The following CEP95 variants were observed in gnomAD, a reference collection of about 807,000 sequenced individuals.
The protein encoded by CEP95 is centrosomal protein 95.
Under a neutral mutation model 111.2 loss-of-function variants are expected in CEP95, and 98 were observed. The ratio of observed to expected loss-of-function variants is 0.88; its 90% CI spans 0.75 to 1.04. The LOEUF is 1.04. CEP95 is among the 50% of genes least tolerant of loss of function. The pLI, the probability that CEP95 is intolerant of heterozygous loss-of-function variation, is 0.00. For synonymous variants in CEP95, 323 were observed against 327.1 expected (o/e 0.99, Z 0.14); for missense variants, 1,027 against 977.2 (o/e 1.05, Z -0.68).
At chr17:64,514,217 AT>A (rs1156427578) in intron 3 of CEP95, 30 bp from the exon 4 acceptor site, 9 of 868,472 alleles carry the variant, frequency 1.0e-5, no homozygotes, top group East Asian at 5.4e-5. Context: ...TCATGGTTAA[AT>A]TTTTTAATAG....
In CEP95 at chr17:64,522,803, C is replaced by A. The variant is rs782269958; in HGVS notation, c.817C>A (p.Arg273=). The A allele has an allele frequency of 4.3e-6, 7 of 1,613,740 alleles. No homozygotes were observed. The highest frequency in any genetic ancestry group is 5.9e-6 in the Non-Finnish European group (7 of 1,179,850). The change falls in exon 8 of 20, where the codon CGA becomes AGA. Residue 273 remains arginine, a synonymous_variant. Transcript: ENST00000556440. ...TCCACCCTACCACCCTTCAGAGCCT[C>A]GAGCACCCTGCCCCATAGGAAAAGA... ...LHPPYHPSEP[R]APCPIGKEYL...
In CEP95 at chr17:64,526,939, G is replaced by A. The variant is rs565804715; in HGVS notation, c.1153-172G>A. 224 of 485,952 alleles carry A rather than the reference G, an allele frequency of 4.6e-4. 1 individual carries two copies. Among genetic ancestry groups the A allele is most frequent in the African/African-American group, 4.2e-3 (213 of 50,582 alleles). 30.1% of individuals were successfully genotyped at this position (485,952 alleles called of 1,614,324 possible). A position where few individuals can be genotyped will look rare whatever the true frequency, so the allele number is the denominator to read the frequency against. ...AGCACCACTGCACTCCAGCCTGGGT[G>A]ACAGAGTGAGATCCTGTCTCAAAAT... On this transcript the variant is annotated intron_variant, in intron 10 of 19. Transcript: ENST00000556440.
chr17:64,532,066 T>C (rs782400072), intron 14 of CEP95, 44 bp downstream of exon 14: 10 of 1,500,614 alleles, frequency 6.7e-6, no homozygotes, highest in Non-Finnish European at 8.9e-6. Context: ...TGGCAACCTT[T>C]GAAAGCATGT....
chr17:64,536,701 C>CTG lies in CEP95; in HGVS notation c.2170_2171insTG (p.Arg724LeufsTer46). ...AGAAAAGCGAGATGAACAAAGGAGACGCCACCAGGATGAACTGGACTCCAT... is the reference window on the plus strand; with the variant it reads ...AGAAAAGCGAGATGAACAAAGGAGACTGGCCACCAGGATGAACTGGACTCCAT... On this transcript the variant is annotated frameshift_variant, in exon 18 of 20. Transcript: ENST00000556440. LOFTEE classifies it high-confidence loss of function. The CTG allele has an allele frequency of 6.2e-7, 1 of 1,612,766 alleles. No homozygotes were observed. Among genetic ancestry groups the CTG allele is most frequent in the Non-Finnish European group, 8.5e-7 (1 of 1,179,496 alleles).
In CEP95 at chr17:64,508,615, C is replaced by G; in HGVS notation, c.43C>G (p.Leu15Val). The stretch of plus-strand genomic sequence containing the variant: ...AGAGTGGGTAACCATTGCCAATAAC[C>G]TTCTTTTTAAGTGTCATATACATCT... ...DAEWVTIANN[L>V]LFKCHIHLRI... The change falls in exon 2 of 20, where the codon CTT becomes GTT. Residue 15 changes from leucine (L) to valine (V), a missense_variant. By Grantham distance (32) the Leu-to-Val change is conservative (BLOSUM62 1). Transcript: ENST00000556440. 1 of 1,426,768 alleles carries G rather than the reference C, an allele frequency of 7.0e-7. No individual in the cohort carries two copies. Among genetic ancestry groups the G allele is most frequent in the Middle Eastern group, 1.8e-4 (1 of 5,450 alleles). 88.4% of individuals were successfully genotyped at this position (1,426,768 alleles called of 1,614,324 possible). A position where few individuals can be genotyped will look rare whatever the true frequency, so the allele number is the denominator to read the frequency against.
chr17:64,514,423 C>G (rs563789321), intron 4 of CEP95, 65 bp downstream of exon 4: 1 of 732,668 alleles, frequency 1.4e-6, no homozygotes, highest in African/African-American at 1.8e-5. Flanking sequence ...TGCCTTTTAT[C>G]TTTTTGTGTA....
Position 64,507,072 on chromosome 17 carries a change from G to A in CEP95, c.-26G>A. 6.4e-7 allele frequency: 1 copy of A among 1,550,750 alleles called. No individual in the cohort carries two copies. The highest frequency in any genetic ancestry group is 8.7e-7 in the Non-Finnish European group (1 of 1,146,942). ...CCGTCGCCTTCCCGGCCGCGTCGGAGTCCGGCGGCGACCTGCCTCTGAAAC... is the reference window on the plus strand; with the variant it reads ...CCGTCGCCTTCCCGGCCGCGTCGGAATCCGGCGGCGACCTGCCTCTGAAAC... On this transcript the variant is annotated 5_prime_UTR_variant, in exon 1 of 20. Coordinates refer to ENST00000556440, the MANE Select transcript of CEP95 (RefSeq NM_138363.3).
chr17:64,514,650 ATTTC>A (rs1349687156), intron 4 of CEP95: 5 of 393,460 alleles, frequency 1.3e-5, no homozygotes, highest in East Asian at 3.6e-5. Context: ...ATTGCATAAA[ATTTC>A]TTTCTCCAAA....
intron 6 of CEP95, among the ~76,000 whole-genome samples, chr17:64,519,881 A>T (rs1331752992): frequency 6.6e-6 from 1 of 152,226 alleles, no homozygotes; most frequent in Non-Finnish European, 1.5e-5. Context: ...AGACCCGGAT[A>T]TCTTTCAAGC....
intron 19 of CEP95, 100 bp downstream of exon 19, chr17:64,537,212 A>G: frequency 1.3e-6 from 2 of 1,532,312 alleles, no homozygotes. Context: ...GCTGTATCAT[A>G]TAGCCCCGGT....
rs782518054 is a variant in CEP95 at position 64,521,539 on chromosome 17, TG to T, written c.715+14del. On this transcript the variant is annotated intron_variant, in intron 7 of 19. Coordinates refer to ENST00000556440, the MANE Select transcript of CEP95 (RefSeq NM_138363.3). Reference sequence around the variant, plus strand: ...CTTTGTTGAAGACAGTGAGTTGTAATGGATGTTAGTTCTTTACTGCTGATGA... The same window carrying T: ...CTTTGTTGAAGACAGTGAGTTGTAATGATGTTAGTTCTTTACTGCTGATGA... 4.4e-6 allele frequency: 7 copies of T among 1,606,050 alleles called. No homozygotes were observed. The highest frequency in any genetic ancestry group is 6.0e-6 in the Non-Finnish European group (7 of 1,176,466).
At chr17:64,513,419 G>A in intron 3 of CEP95, among the ~76,000 whole-genome samples, 1 of 152,132 alleles carries the variant, frequency 6.6e-6, no homozygotes, top group East Asian at 1.9e-4. Context: ...AATATGTCAA[G>A]TTTCCATGCT....
At position 64,522,859 on chromosome 17, in the gene CEP95, C is replaced by A. The variant is rs1555678311; in HGVS notation, c.873C>A (p.Ala291=). ...EYLHSSHCSP[A]VNSTGEHTEF... Reference sequence around the variant, plus strand: ...TGCATTCAAGTCACTGCTCCCCAGCCGTAAATTCTACTGGAGAGCATACGG... The same window carrying A: ...TGCATTCAAGTCACTGCTCCCCAGCAGTAAATTCTACTGGAGAGCATACGG... The change falls in exon 8 of 20, where the codon GCC becomes GCA. Residue 291 remains alanine (A), a synonymous_variant. Coordinates refer to ENST00000556440, the MANE Select transcript of CEP95 (RefSeq NM_138363.3). 6.2e-7 allele frequency: 1 copy of A among 1,612,798 alleles called. No homozygotes were observed. Among genetic ancestry groups the A allele is most frequent in the Non-Finnish European group, 8.5e-7 (1 of 1,179,608 alleles).
At position 64,532,853 on chromosome 17, in the gene CEP95, C is replaced by A; in HGVS notation, c.1687C>A (p.His563Asn). The change falls in exon 15 of 20, where the codon CAC becomes AAC. Residue 563 changes from histidine (H) to asparagine (N), a missense_variant. His to Asn is a moderately conservative substitution (Grantham distance 68). Transcript: ENST00000556440. ...NKAVPMKVSE[H>N]SLLPLMLEQF... ...TTACCTTGCAGTGAAAGTAAGTGAA[C>A]ACAGTCTCCTGCCCCTTATGCTGGA... is the stretch of plus-strand genomic sequence containing the variant. The A allele has an allele frequency of 6.2e-7, 1 of 1,608,140 alleles. No homozygotes were observed. The highest frequency in any genetic ancestry group is 8.5e-7 in the Non-Finnish European group (1 of 1,178,408).
chr17:64,527,890 ATACACACACACACACACGCGTGTAG>A (rs1967977328), intron 11 of CEP95, among the ~76,000 whole-genome samples: 1 of 142,622 alleles, frequency 7.0e-6, no homozygotes, highest in South Asian at 2.4e-4. Flanking sequence ...ATATATATAT[ATACACACACACACACACGCGTGTAG>A]CACTATCTAT....
At position 64,508,635 on chromosome 17, in the gene CEP95, A is replaced by G. The variant is rs782464005; in HGVS notation, c.63A>G (p.Ile21Met). ...ATAACCTTCTTTTTAAGTGTCATAT[A>G]CATCTGAGAATACATGAACTTCAAG... ...IANNLLFKCH[I>M]HLRIHELQDC... The change falls in exon 2 of 20, where the codon ATA becomes ATG. Residue 21 changes from isoleucine (I) to methionine (M), a missense_variant. Ile to Met is a conservative substitution (Grantham distance 10, BLOSUM62 1). Transcript: ENST00000556440. The G allele has an allele frequency of 3.4e-6, 5 of 1,455,916 alleles. No individual in the cohort carries two copies. The highest frequency in any genetic ancestry group is 3.2e-5 in the South Asian group (2 of 62,936). The allele number at this position is 1,455,916 out of a possible 1,614,324, so 90.2% of individuals were successfully genotyped here.
At chr17:64,526,239 G>A in intron 10 of CEP95, 39 bp downstream of exon 10, 2 of 1,553,766 alleles carry the variant, frequency 1.3e-6, no homozygotes, top group Non-Finnish European at 1.7e-6. Flanking sequence ...GATTCCCATG[G>A]GTTAAGTGAG....
intron 2 of CEP95, among the ~76,000 whole-genome samples, chr17:64,509,872 T>G (rs2038794503): frequency 2.0e-5 from 3 of 151,974 alleles, no homozygotes; most frequent in African/African-American, 2.4e-5. Context: ...ACATGGTGCT[T>G]CTTGTAAAGC....
At chr17:64,536,407 C>G in intron 17 of CEP95, 195 bp from the exon 18 acceptor site, 1 of 394,368 alleles carries the variant, frequency 2.5e-6, no homozygotes, top group Non-Finnish European at 4.6e-6. Flanking sequence ...TGTGACTGCC[C>G]CACTACACTC....
Sources: allele counts gnomAD v4.1 joint callset (sites outside exome capture counted in the v4.1 genomes callset), GRCh38; gene constraint gnomAD v4.1.1; transcripts MANE v1.5; gene names NCBI Gene and HGNC (gene_info 2026-07-23, HGNC 2026-07-21).